GOLM2: variants seen among roughly 807,000 people sequenced by gnomAD.
GOLM2 encodes golgi membrane protein 2.
GOLM2 carries 26 observed loss-of-function variants against 55.9 expected under a neutral mutation model. The ratio of observed to expected loss-of-function variants is 0.47; its 90% CI spans 0.34 to 0.65. GOLM2 has a LOEUF of 0.65. GOLM2 is among the 30% of genes least tolerant of loss of function. The pLI, the probability that GOLM2 is intolerant of heterozygous loss-of-function variation, is 0.01. For synonymous variants in GOLM2, 165 were observed against 194.6 expected, an observed-to-expected ratio of 0.85 and a Z score of 1.27; for missense variants, 486 against 531.8, an observed-to-expected ratio of 0.91 and a Z score of 0.85.
At position 44,379,565 on chromosome 15, in the gene GOLM2, C is replaced by T; in HGVS notation, c.803-125C>T. 3 of 622,656 alleles carry T rather than the reference C, an allele frequency of 4.8e-6. No homozygotes were observed. In the South Asian group the frequency reaches 5.9e-5, roughly 12 times the overall value. 38.6% of individuals were successfully genotyped at this position (622,656 alleles called of 1,614,324 possible). On this transcript the variant is annotated intron_variant, in intron 6 of 9. Coordinates refer to ENST00000299957, the MANE Select transcript of GOLM2 (RefSeq NM_138423.4). ...ATTAGCATACCAACTATAAGGATTA[C>T]AAAATTAGAATAAACATCATAGAAT... is the stretch of plus-strand genomic sequence containing the variant.
intron 6 of GOLM2, among the ~76,000 whole-genome samples, chr15:44,338,624 A>G (rs141694692): frequency 6.6e-6 from 1 of 152,296 alleles, no homozygotes; most frequent in Admixed American, 6.5e-5. Flanking sequence ...GTTTACTAAA[A>G]GTATGCATGG....
intron 6 of GOLM2, among the ~76,000 whole-genome samples, chr15:44,346,539 G>A (rs997077666): frequency 2.0e-5 from 3 of 152,138 alleles, no homozygotes; most frequent in African/African-American, 7.2e-5. Flanking sequence ...TTACATTTAG[G>A]TGAAATTAAA....
At chr15:44,352,376 A>G (rs2079170328) in intron 6 of GOLM2, among the ~76,000 whole-genome samples, 1 of 152,188 alleles carries the variant, frequency 6.6e-6, no homozygotes, top group Non-Finnish European at 1.5e-5. Flanking sequence ...TACACAGAAG[A>G]TCGAAACTAG....
chr15:44,289,481 A>AC lies in GOLM2; in HGVS notation c.327+130dup. On this transcript the variant is annotated intron_variant, in intron 1 of 9. Coordinates refer to ENST00000299957, the MANE Select transcript of GOLM2 (RefSeq NM_138423.4). This position sits in a 1 kb window ranked among gnomAD's most constrained non-coding sequence, Gnocchi z 4.8. Reference sequence around the variant, plus strand: ...TATTTCAGTCCTGAAGGCTCCTTTCACCCCCAACAACCCTGTTTCTGTCAG... The same window carrying AC: ...TATTTCAGTCCTGAAGGCTCCTTTCACCCCCCAACAACCCTGTTTCTGTCAG... The AC allele has an allele frequency of 1.3e-6, 1 of 793,994 alleles. No homozygotes were observed. The highest frequency in any genetic ancestry group is 2.0e-6 in the Non-Finnish European group (1 of 512,114). 49.2% of individuals were successfully genotyped at this position (793,994 alleles called of 1,614,324 possible).
chr15:44,349,272 A>C (rs984147776), intron 6 of GOLM2, among the ~76,000 whole-genome samples: 8 of 151,926 alleles, frequency 5.3e-5, no homozygotes, highest in African/African-American at 1.4e-4. Flanking sequence ...AAAAAAAAAA[A>C]AAAACCACAC....
chr15:44,319,978 A>G (rs889784111), intron 1 of GOLM2, among the ~76,000 whole-genome samples: 2 of 152,212 alleles, frequency 1.3e-5, no homozygotes, highest in African/African-American at 4.8e-5. Flanking sequence ...AGTGCATTTT[A>G]CTATATCTAA....
chr15:44,307,573 A>G (rs1313464123), intron 1 of GOLM2: 1 of 152,166 alleles, frequency 6.6e-6, no homozygotes, highest in Non-Finnish European at 1.5e-5. Context: ...ATAGTGCTTT[A>G]TGATTGTTCA....
At chr15:44,320,699 G>A (rs1313781396) in intron 1 of GOLM2, among the ~76,000 whole-genome samples, 1 of 152,178 alleles carries the variant, frequency 6.6e-6, no homozygotes, top group Non-Finnish European at 1.5e-5. Context: ...GCTTCACCTA[G>A]AACATTTATA....
intron 6 of GOLM2, among the ~76,000 whole-genome samples, chr15:44,361,949 A>G (rs1417807052): frequency 1.3e-5 from 2 of 152,324 alleles, no homozygotes; most frequent in African/African-American, 4.8e-5. Context: ...AAACCACGTG[A>G]TTATCTCGAT....
At chr15:44,382,588 A>C (rs1361575808) in intron 8 of GOLM2, among the ~76,000 whole-genome samples, 1 of 152,024 alleles carries the variant, frequency 6.6e-6, no homozygotes, top group African/African-American at 2.4e-5. Context: ...CGGCCTCCCA[A>C]AGTGCTGGGA....
intron 9 of GOLM2, chr15:44,406,391 A>T (rs1242033881): frequency 6.6e-6 from 1 of 152,192 alleles, no homozygotes; most frequent in Non-Finnish European, 1.5e-5. Flanking sequence ...CTGTCTCAAA[A>T]AAAGAAAGAA....
intron 1 of GOLM2, among the ~76,000 whole-genome samples, chr15:44,294,728 A>C (rs1567018393): frequency 2.7e-5 from 4 of 148,866 alleles, no homozygotes; most frequent in African/African-American, 7.4e-5. Context: ...AAAAAAAAAA[A>C]CACCACCACC....
chr15:44,366,296 C>CAAAAAAA (rs34413737), intron 6 of GOLM2, among the ~76,000 whole-genome samples: 1 of 55,520 alleles, frequency 1.8e-5, no homozygotes, highest in East Asian at 4.1e-4. Context: ...GACTCCGTCT[C>CAAAAAAA]AAAAAAAAAA....
Position 44,325,947 on chromosome 15 carries a change from A to G in GOLM2, c.383-2738A>G, listed in dbSNP as rs182810884. Among the ~76,000 whole-genome samples, 409 of 152,318 alleles carry G rather than the reference A, an allele frequency of 2.7e-3. 2 individuals are homozygous for G. Among genetic ancestry groups the G allele is most frequent in the Non-Finnish European group, 3.7e-3 (255 of 68,026 alleles). On this transcript the variant is annotated intron_variant, in intron 2 of 9. Transcript: ENST00000299957. ...TGGGGGGTAAATCAACCATGTTTAC[A>G]TATTGGAGAATTAATATTATAAAAA...
intron 6 of GOLM2, chr15:44,355,555 C>G (rs2079192278): frequency 6.1e-6 from 1 of 164,146 alleles, no homozygotes; most frequent in Admixed American, 6.3e-5. Context: ...CGGTGACACT[C>G]CCTCTTCCAC....
chr15:44,332,105 C>T, intron 4 of GOLM2, 27 bp downstream of exon 4: 1 of 1,056,710 alleles, frequency 9.5e-7, no homozygotes, highest in Non-Finnish European at 1.4e-6. Flanking sequence ...TACTTAAATC[C>T]AAATATTTTT....
chr15:44,409,367 G>T (rs1168641549), intron 9 of GOLM2, among the ~76,000 whole-genome samples: 2 of 146,030 alleles, frequency 1.4e-5, no homozygotes, highest in Non-Finnish European at 3.0e-5. Context: ...CGGGTGGATC[G>T]CCTGAGGTCA....
chr15:44,401,079 G>A (rs2079562048), intron 8 of GOLM2, among the ~76,000 whole-genome samples: 1 of 151,918 alleles, frequency 6.6e-6, no homozygotes, highest in African/African-American at 2.4e-5. Flanking sequence ...TTTCCTGAGT[G>A]TTCCATTGCA....
rs550572009 is a variant in GOLM2, at chr15:44,367,752, G to A, written c.803-11938G>A. Among the ~76,000 whole-genome samples the A allele has an allele frequency of 1.3e-4, 19 of 149,394 alleles. 1 individual carries two copies. The South Asian group carries it at 3.8e-3, about 30-fold the overall frequency. ...GGAGGTTGCAGTGAGCCGAGACCAC[G>A]CCACTGCATGCCAGCCTGGCGACGG... On this transcript the variant is annotated intron_variant, in intron 6 of 9. Coordinates refer to ENST00000299957, the MANE Select transcript of GOLM2 (RefSeq NM_138423.4).
Sources: allele counts gnomAD v4.1 joint callset (sites outside exome capture counted in the v4.1 genomes callset), GRCh38; gene constraint gnomAD v4.1.1; non-coding constraint Gnocchi (gnomAD v3.1); transcripts MANE v1.5; gene names NCBI Gene and HGNC (gene_info 2026-07-23, HGNC 2026-07-21).